Variants in DLGAP1 observed in about 807,000 individuals in gnomAD.
The protein encoded by DLGAP1 is disks large-associated protein 1.
In DLGAP1, 11 loss-of-function variants were observed where a neutral mutation model predicts 90.8. The ratio of observed to expected loss-of-function variants is 0.12; its 90% CI spans 0.08 to 0.20. The LOEUF is 0.20. Among genes scored for constraint, DLGAP1 ranks in the 10% least tolerant of loss-of-function variants. The probability of loss-of-function intolerance (pLI) is 1.00; values close to 1 mark genes in which losing one functional copy is unlikely to be tolerated. For missense variants in DLGAP1, 1,050 were observed against 1,333.8 expected (o/e 0.79, Z 3.31); for synonymous variants, 558 against 540.7 (o/e 1.03, Z -0.44).
intron 1 of DLGAP1, among the ~76,000 whole-genome samples, chr18:4,285,037 T>G (rs886292536): frequency 1.1e-5 from 1 of 91,160 alleles, no homozygotes; most frequent in Non-Finnish European, 2.7e-5. Context: ...AAAACTATTT[T>G]TTTTTACAAA....
chr18:4,299,085 C>CCA (rs2080059382), intron 1 of DLGAP1, among the ~76,000 whole-genome samples: 1 of 76,336 alleles, frequency 1.3e-5, no homozygotes, highest in African/African-American at 4.4e-5. Flanking sequence ...TGTCTCAAGA[C>CCA]AAAAAAAAAA....
chr18:3,627,500 G>A (rs1287963900), intron 7 of DLGAP1, among the ~76,000 whole-genome samples: 1 of 152,058 alleles, frequency 6.6e-6, no homozygotes, highest in African/African-American at 2.4e-5. Flanking sequence ...TCTCCCACAC[G>A]CTACAGTCCT....
chr18:4,232,387 G>A (rs926800910), intron 1 of DLGAP1, among the ~76,000 whole-genome samples: 6 of 152,218 alleles, frequency 3.9e-5, no homozygotes, highest in Admixed American at 3.3e-4. Context: ...ACACTGGAGA[G>A]AAATTGTGAG....
intron 5 of DLGAP1, among the ~76,000 whole-genome samples, chr18:3,772,557 C>T (rs1176336115): frequency 6.0e-5 from 9 of 149,160 alleles, no homozygotes; most frequent in Non-Finnish European, 1.2e-4. Flanking sequence ...AGCTGCCTGT[C>T]GTCTTTTAAT....
At chr18:4,016,516 A>C in intron 2 of DLGAP1, among the ~76,000 whole-genome samples, 1 of 152,330 alleles carries the variant, frequency 6.6e-6, no homozygotes, top group Middle Eastern at 3.4e-3. Context: ...CCCTTGGGGA[A>C]GTTTGTGGCT....
At chr18:3,902,980 T>A (rs1423763390) in intron 3 of DLGAP1, among the ~76,000 whole-genome samples, 1 of 152,126 alleles carries the variant, frequency 6.6e-6, no homozygotes, top group Admixed American at 6.5e-5. Context: ...CTGAGAGTGA[T>A]CTGCCTCTCT....
chr18:4,354,134 A>G (rs1217827852), intron 1 of DLGAP1, among the ~76,000 whole-genome samples: 1 of 152,178 alleles, frequency 6.6e-6, no homozygotes, highest in East Asian at 1.9e-4. Flanking sequence ...GGGCCTCAAA[A>G]GCAAAGCCTC....
chr18:4,337,499 G>C (rs566672525), intron 1 of DLGAP1, among the ~76,000 whole-genome samples: 3 of 152,042 alleles, frequency 2.0e-5, no homozygotes, highest in Non-Finnish European at 4.4e-5. Context: ...CAAAGAGATG[G>C]CTTTTTAAAA....
chr18:4,393,777 CA>C (rs1406702016), intron 1 of DLGAP1, among the ~76,000 whole-genome samples: 1 of 152,088 alleles, frequency 6.6e-6, no homozygotes, highest in African/African-American at 2.4e-5. Flanking sequence ...AGACCGGGGG[CA>C]GGGGTGGTTC....
At chr18:4,350,584 A>G (rs886857870) in intron 1 of DLGAP1, among the ~76,000 whole-genome samples, 1 of 152,160 alleles carries the variant, frequency 6.6e-6, no homozygotes, top group African/African-American at 2.4e-5. Context: ...TCTTCCGTTC[A>G]CCAATATTGC....
intron 4 of DLGAP1, among the ~76,000 whole-genome samples, chr18:3,832,657 C>T (rs1391341332): frequency 6.6e-6 from 1 of 150,570 alleles, no homozygotes; most frequent in Non-Finnish European, 1.5e-5. Flanking sequence ...GGAACGGCCA[C>T]AGAGAACCTT....
At chr18:4,186,929 C>A (rs956733440) in intron 1 of DLGAP1, among the ~76,000 whole-genome samples, 1 of 152,106 alleles carries the variant, frequency 6.6e-6, no homozygotes, top group Non-Finnish European at 1.5e-5. Flanking sequence ...TTTGTGTCTT[C>A]TGATTTCTTT....
intron 1 of DLGAP1, among the ~76,000 whole-genome samples, chr18:4,428,428 A>G (rs1441189410): frequency 6.6e-6 from 1 of 152,108 alleles, no homozygotes; most frequent in Non-Finnish European, 1.5e-5. Context: ...CTAAAAATAC[A>G]AAAATTAGCT....
intron 4 of DLGAP1, among the ~76,000 whole-genome samples, chr18:3,862,219 A>G (rs1250471575): frequency 6.6e-6 from 1 of 152,222 alleles, no homozygotes; most frequent in Non-Finnish European, 1.5e-5. Context: ...AACCTGTCAG[A>G]GGATGAGGGG....
intron 1 of DLGAP1, among the ~76,000 whole-genome samples, chr18:4,238,075 C>T (rs1482639827): frequency 6.6e-6 from 1 of 152,088 alleles, no homozygotes; most frequent in Non-Finnish European, 1.5e-5. Context: ...CCTGTTGGTG[C>T]CCAAAATGTT....
chr18:3,805,989 A>G (rs894674864), intron 5 of DLGAP1, among the ~76,000 whole-genome samples: 2 of 152,204 alleles, frequency 1.3e-5, no homozygotes. Context: ...TTTCAAATGC[A>G]TCTTCTGTAA....
intron 2 of DLGAP1, among the ~76,000 whole-genome samples, chr18:4,017,911 C>A (rs954147271): frequency 6.6e-6 from 1 of 151,702 alleles, no homozygotes; most frequent in Non-Finnish European, 1.5e-5. Flanking sequence ...TGGCAACATT[C>A]GGTTGGACCA....
chr18:4,045,032 A>C (rs950267984), intron 2 of DLGAP1, among the ~76,000 whole-genome samples: 2 of 152,148 alleles, frequency 1.3e-5, no homozygotes, highest in South Asian at 2.1e-4. Context: ...AGAGATGAGT[A>C]ACTAAAGACA....
At chr18:4,436,623 T>G (rs1232240534) in intron 1 of DLGAP1, among the ~76,000 whole-genome samples, 1 of 151,888 alleles carries the variant, frequency 6.6e-6, no homozygotes, top group Non-Finnish European at 1.5e-5. Flanking sequence ...GGTCCTGAGA[T>G]CTACACTTTT....
Sources: allele counts gnomAD v4.1 joint callset (sites outside exome capture counted in the v4.1 genomes callset), GRCh38; gene constraint gnomAD v4.1.1; transcripts MANE v1.5; gene names NCBI Gene and HGNC (gene_info 2026-07-23, HGNC 2026-07-21).